Variants in CCDC7 observed in about 807,000 individuals in gnomAD.
CCDC7 encodes coiled-coil domain containing 7.
In CCDC7, 183 loss-of-function variants were observed where a neutral mutation model predicts 196.9. That is an observed-to-expected ratio of 0.93 (90% confidence interval 0.82 to 1.05). The LOEUF (loss-of-function observed/expected upper bound fraction) is 1.05. Ranked by LOEUF, CCDC7 falls within the 50% of genes least tolerant of loss-of-function variation. The pLI is 0.00. For missense variants in CCDC7, 1,540 were observed against 1,482.2 expected, an observed-to-expected ratio of 1.04 and a Z score of -0.64; for synonymous variants, 525 against 484.6, an observed-to-expected ratio of 1.08 and a Z score of -1.10.
chr10:32,526,831 G>A (rs2048747830), intron 11 of CCDC7, among the ~76,000 whole-genome samples: 1 of 152,158 alleles, frequency 6.6e-6, no homozygotes, highest in Non-Finnish European at 1.5e-5. Context: ...TTAAGCAGGA[G>A]GGAGTCACTT....
In CCDC7 at chr10:32,571,887, A is replaced by T. The variant is rs746518373; in HGVS notation, c.1448A>T (p.Glu483Val). 9.5e-6 allele frequency: 15 copies of T among 1,571,700 alleles called. No individual in the cohort carries two copies. The South Asian group carries it at 1.6e-4, about 16-fold the overall frequency. The change falls in exon 16 of 42, where the codon GAA becomes GTA. Residue 483 changes from glutamate (E) to valine (V), a missense_variant. Transcript: ENST00000639629. ...ACTGCCCAAAGCGGAAGACTGATTG[A>T]AAAGAGGTAAAACACTTTTTAAAAA... is the stretch of plus-strand genomic sequence containing the variant.
At chr10:32,728,865 C>G (rs754328413) in intron 26 of CCDC7, 22 bp from the exon 28 acceptor site, 1 of 1,334,890 alleles carries the variant, frequency 7.5e-7, no homozygotes, top group Non-Finnish European at 1.1e-6. Flanking sequence ...ATTTGATGGA[C>G]TAAATGCATC....
chr10:32,785,676 C>G (rs1236233872), intron 29 of CCDC7, among the ~76,000 whole-genome samples: 4 of 151,998 alleles, frequency 2.6e-5, no homozygotes, highest in Non-Finnish European at 5.9e-5. Flanking sequence ...TTTACAAAGA[C>G]TTATGCATGG....
chr10:32,589,491 T>C (rs1175280359), intron 18 of CCDC7, among the ~76,000 whole-genome samples: 1 of 152,190 alleles, frequency 6.6e-6, no homozygotes, highest in Non-Finnish European at 1.5e-5. Context: ...TGGTCTATGC[T>C]TGAGAATACT....
At chr10:32,529,710 A>T (rs1373242701) in intron 11 of CCDC7, among the ~76,000 whole-genome samples, 1 of 152,150 alleles carries the variant, frequency 6.6e-6, no homozygotes. Context: ...ATTTTCTCCC[A>T]TGCTGTGGGT....
At chr10:32,509,400 T>G (rs924495896) in intron 9 of CCDC7, among the ~76,000 whole-genome samples, 15 of 151,402 alleles carry the variant, frequency 9.9e-5, no homozygotes, top group African/African-American at 3.2e-4. Context: ...AAAAATAAAT[T>G]CAAAATGCAT....
At chr10:32,575,765 A>T (rs2058113771) in intron 16 of CCDC7, among the ~76,000 whole-genome samples, 1 of 152,196 alleles carries the variant, frequency 6.6e-6, no homozygotes, top group African/African-American at 2.4e-5. Context: ...CCGTAAATAA[A>T]GATTTGCCTC....
In CCDC7 at chr10:32,676,146, G is replaced by A. The variant is rs911864787; in HGVS notation, c.2123-9824G>A. 1.7e-4 allele frequency among the ~76,000 whole-genome samples: 22 copies of A among 126,508 alleles called. No homozygotes were observed. The South Asian group carries it at 3.4e-3, about 19-fold the overall frequency. The allele number at this position is 126,508 out of a possible 152,430, so 83.0% of individuals were successfully genotyped here. A position where few individuals can be genotyped will look rare whatever the true frequency, so the allele number is the denominator to read the frequency against. On this transcript the variant is annotated intron_variant, in intron 21 of 41. Coordinates refer to ENST00000639629, the Ensembl canonical transcript of CCDC7. Reference sequence around the variant, plus strand: ...ACAAGCAATGGGGAAAGGATTCCCTGTTTAATAAATGGTGCTGGGAAAACT... The same window carrying A: ...ACAAGCAATGGGGAAAGGATTCCCTATTTAATAAATGGTGCTGGGAAAACT...
chr10:32,463,181 T>C (rs2036092977), intron 5 of CCDC7, 132 bp downstream of exon 6: 2 of 1,175,280 alleles, frequency 1.7e-6, no homozygotes, highest in Non-Finnish European at 2.4e-6. Context: ...ACCTTTTGGT[T>C]TGGGTAGACA....
At chr10:32,458,726 C>T (rs1291486094) in intron 3 of CCDC7, among the ~76,000 whole-genome samples, 1 of 151,960 alleles carries the variant, frequency 6.6e-6, no homozygotes, top group Admixed American at 6.6e-5. Flanking sequence ...GCTTTGGCTA[C>T]TTAGGGTCTT....
intron 28 of CCDC7, among the ~76,000 whole-genome samples, chr10:32,749,824 G>A (rs2075383587): frequency 6.6e-6 from 1 of 152,112 alleles, no homozygotes; most frequent in African/African-American, 2.4e-5. Flanking sequence ...AGACTTACGT[G>A]TAAATTTTAA....
At chr10:32,572,866 CTTTTTTTTT>C (rs576270039) in intron 16 of CCDC7, among the ~76,000 whole-genome samples, 6 of 90,384 alleles carry the variant, frequency 6.6e-5, no homozygotes, top group African/African-American at 9.0e-5. Context: ...AAGCATGGTG[CTTTTTTTTT>C]TTTTTTTTTT....
At chr10:32,618,307 T>A (rs570865449) in intron 18 of CCDC7, among the ~76,000 whole-genome samples, 19 of 152,066 alleles carry the variant, frequency 1.2e-4, no homozygotes, top group South Asian at 4.1e-4. Flanking sequence ...TATTTTCTTC[T>A]CTTTTTGTCT....
At chr10:32,667,653 AG>A (rs2073092885) in intron 21 of CCDC7, among the ~76,000 whole-genome samples, 2 of 151,996 alleles carry the variant, frequency 1.3e-5, no homozygotes, top group Admixed American at 6.6e-5. Context: ...TGTTTTTCTC[AG>A]GTTTGTCAAA....
At chr10:32,497,127 T>C (rs1374779795) in intron 9 of CCDC7, among the ~76,000 whole-genome samples, 2 of 152,228 alleles carry the variant, frequency 1.3e-5, no homozygotes, top group South Asian at 2.1e-4. Flanking sequence ...TGGGAGGGTG[T>C]ATGTGTCCTG....
At chr10:32,779,302 A>G (rs1383486306) in intron 29 of CCDC7, among the ~76,000 whole-genome samples, 2 of 152,164 alleles carry the variant, frequency 1.3e-5, no homozygotes, top group Non-Finnish European at 2.9e-5. Context: ...TGTTTCATAT[A>G]TTTCCCTTTA....
chr10:32,694,780 A>T (rs1218845285), intron 23 of CCDC7, 99 bp from the exon 25 acceptor site: 1 of 612,070 alleles, frequency 1.6e-6, no homozygotes, highest in Non-Finnish European at 2.7e-6. Flanking sequence ...AATTTATCAA[A>T]ATGAGAAAAT....
rs141076922 is a variant in CCDC7, at chr10:32,456,346, G to C, written c.456+12G>C. 124 of 1,495,690 alleles carry C rather than the reference G, an allele frequency of 8.3e-5. No homozygotes were observed. The East Asian group carries it at 2.7e-3, about 33-fold the overall frequency. The allele number at this position is 1,495,690 out of a possible 1,614,324, so 92.7% of individuals were successfully genotyped here. A position where few individuals can be genotyped will look rare whatever the true frequency, so the allele number is the denominator to read the frequency against. On this transcript the variant is annotated intron_variant, in intron 3 of 41. Coordinates refer to ENST00000639629, the Ensembl canonical transcript of CCDC7. Reference sequence around the variant, plus strand: ...AAGAAGAACAAAATGTATGTATTCTGTATATACTGTCAAGTATAAAATATC... The same window carrying C: ...AAGAAGAACAAAATGTATGTATTCTCTATATACTGTCAAGTATAAAATATC...
intron 41 of CCDC7, among the ~76,000 whole-genome samples, chr10:32,873,910 T>C (rs894445655): frequency 6.6e-6 from 1 of 151,862 alleles, no homozygotes; most frequent in African/African-American, 2.4e-5. Flanking sequence ...GTCTGTCTTA[T>C]GATAGTCATT....
Sources: allele counts gnomAD v4.1 joint callset (sites outside exome capture counted in the v4.1 genomes callset), GRCh38; gene constraint gnomAD v4.1.1; transcripts MANE v1.5; gene names NCBI Gene and HGNC (gene_info 2026-07-23, HGNC 2026-07-21).